The following PTPRD variants were observed in gnomAD, a reference collection of about 807,000 sequenced individuals.
The protein encoded by PTPRD is receptor-type tyrosine-protein phosphatase delta.
A neutral mutation model predicts 214.5 loss-of-function variants in PTPRD; 34 were observed. The ratio of observed to expected loss-of-function variants is 0.16; its 90% CI spans 0.12 to 0.21. The LOEUF is 0.21. PTPRD is among the 10% of genes least tolerant of loss of function. The pLI is 1.00. For synonymous variants in PTPRD, 1,128 were observed against 845.7 expected, an observed-to-expected ratio of 1.33 and a Z score of -5.79; for missense variants, 2,545 against 2,398.7, an observed-to-expected ratio of 1.06 and a Z score of -1.27.
At chr9:9,365,074 C>T (rs565119940) in intron 9 of PTPRD, among the ~76,000 whole-genome samples, 4 of 151,396 alleles carry the variant, frequency 2.6e-5, no homozygotes, top group African/African-American at 4.8e-5. Context: ...AACATGTCAC[C>T]GTCATACCCT....
chr9:9,002,594 C>T (rs1423615026), intron 11 of PTPRD, among the ~76,000 whole-genome samples: 1 of 152,038 alleles, frequency 6.6e-6, no homozygotes, highest in Non-Finnish European at 1.5e-5. Context: ...CAATAAGGCC[C>T]TTTATGATGT....
chr9:8,471,664 A>C (rs2096656107), intron 30 of PTPRD, among the ~76,000 whole-genome samples: 1 of 152,158 alleles, frequency 6.6e-6, no homozygotes, highest in Non-Finnish European at 1.5e-5. Flanking sequence ...ATCTCGAGGT[A>C]AGTACCGCAG....
chr9:10,292,601 T>C lies in PTPRD; in HGVS notation c.-545+48362A>G, dbSNP rs189987951. Among the ~76,000 whole-genome samples, 101 of 152,126 alleles carry C rather than the reference T, an allele frequency of 6.6e-4. 1 individual carries two copies. Among genetic ancestry groups the C allele is most frequent in the Non-Finnish European group, 1.5e-4 (10 of 67,946 alleles). On this transcript the variant is annotated intron_variant, in intron 3 of 45. Transcript: ENST00000381196. ...AACATAAGAGAGGAACCAACTGTTA[T>C]TTTTGGGCAATCTTAGGGTTGGTTG...
intron 8 of PTPRD, among the ~76,000 whole-genome samples, chr9:9,564,045 G>T (rs781048546): frequency 6.6e-6 from 1 of 152,044 alleles, no homozygotes; most frequent in African/African-American, 2.4e-5. Flanking sequence ...AAGTTTTCCA[G>T]CTCATTCTAA....
rs551156036 is a variant in PTPRD at position 8,606,314 on chromosome 9, T to C, written c.352+27003A>G. On this transcript the variant is annotated intron_variant, in intron 14 of 45. Transcript: ENST00000381196. ...TTAGAGAATGCTAATGTAATGCCAG[T>C]ATGCCTTGAGGAAGATCACAGTCTA... Among the ~76,000 whole-genome samples, 59 of 152,182 alleles carry C rather than the reference T, an allele frequency of 3.9e-4. 2 individuals carry two copies. The highest frequency in any genetic ancestry group is 2.9e-3 in the Admixed American group (45 of 15,266).
At chr9:9,078,040 A>T (rs1458492996) in intron 10 of PTPRD, among the ~76,000 whole-genome samples, 1 of 152,118 alleles carries the variant, frequency 6.6e-6, no homozygotes, top group Non-Finnish European at 1.5e-5. Context: ...AGATATTTTC[A>T]AGGGCCTTGA....
At position 8,833,032 on chromosome 9, in the gene PTPRD, C is replaced by T. The variant is rs1174811107; in HGVS notation, c.-103-99086G>A. Among the ~76,000 whole-genome samples the T allele has an allele frequency of 2.0e-5, 3 of 151,966 alleles. No individual in the cohort carries two copies. In the East Asian group the frequency reaches 5.8e-4, roughly 29 times the overall value. ...GCAGATGAAAAAAAAATCAGCAATA[C>T]AACTGACTTGATATCTTCTGTGTGC... On this transcript the variant is annotated intron_variant, in intron 11 of 45. Coordinates refer to ENST00000381196, the MANE Select transcript of PTPRD (RefSeq NM_002839.4).
chr9:10,330,621 A>G (rs1380244513), intron 3 of PTPRD, among the ~76,000 whole-genome samples: 2 of 151,530 alleles, frequency 1.3e-5, no homozygotes, highest in African/African-American at 4.8e-5. Flanking sequence ...CCATAAATTC[A>G]TTCCCTAAAT....
At chr9:10,078,098 A>C (rs1367621865) in intron 3 of PTPRD, among the ~76,000 whole-genome samples, 3 of 143,198 alleles carry the variant, frequency 2.1e-5, no homozygotes, top group African/African-American at 7.5e-5. Flanking sequence ...AATATTAGAA[A>C]ATAACTTAGT....
At chr9:8,618,116 T>C (rs1258192136) in intron 14 of PTPRD, among the ~76,000 whole-genome samples, 2 of 152,250 alleles carry the variant, frequency 1.3e-5, no homozygotes, top group Middle Eastern at 3.4e-3. Context: ...CAGATGCTTT[T>C]GCCTAAAATA....
At chr9:8,911,141 A>G (rs2098744267) in intron 11 of PTPRD, among the ~76,000 whole-genome samples, 1 of 152,202 alleles carries the variant, frequency 6.6e-6, no homozygotes, top group African/African-American at 2.4e-5. Flanking sequence ...AATTCAAAGG[A>G]TCTAAAATAG....
intron 5 of PTPRD, among the ~76,000 whole-genome samples, chr9:9,781,952 C>T (rs1251526870): frequency 6.6e-6 from 1 of 152,062 alleles, no homozygotes; most frequent in Admixed American, 6.5e-5. Flanking sequence ...ACTACCACGC[C>T]CGGCTAATTT....
intron 14 of PTPRD, among the ~76,000 whole-genome samples, chr9:8,602,351 G>A (rs538100602): frequency 1.8e-4 from 27 of 152,258 alleles, no homozygotes; most frequent in African/African-American, 6.0e-4. Flanking sequence ...TACCTTGTCT[G>A]TATAAGCCTT....
chr9:9,746,669 T>A (rs925305362), intron 6 of PTPRD, among the ~76,000 whole-genome samples: 1 of 152,086 alleles, frequency 6.6e-6, no homozygotes, highest in Non-Finnish European at 1.5e-5. Context: ...AAATAAGGCA[T>A]AGAAAAGATG....
At chr9:9,267,914 T>G (rs956959544) in intron 9 of PTPRD, among the ~76,000 whole-genome samples, 20 of 151,174 alleles carry the variant, frequency 1.3e-4, no homozygotes, top group African/African-American at 4.6e-4. Context: ...AGCCCATAGC[T>G]AACGTCATTT....
At chr9:10,111,872 G>A (rs1026680826) in intron 3 of PTPRD, among the ~76,000 whole-genome samples, 3 of 152,264 alleles carry the variant, frequency 2.0e-5, no homozygotes, top group African/African-American at 7.2e-5. Flanking sequence ...CGAGAATTTG[G>A]AAAGATTGCA....
In PTPRD at chr9:10,612,955, A is replaced by ACTCGCTCG. The variant is rs887007962; in HGVS notation, c.-983_-976dup. Among the ~76,000 whole-genome samples the ACTCGCTCG allele has an allele frequency of 2.0e-5, 3 of 150,560 alleles. No individual in the cohort carries two copies. Among genetic ancestry groups the ACTCGCTCG allele is most frequent in the Admixed American group, 6.6e-5 (1 of 15,140 alleles). ...GGGGAGCCGAGGCGGCCGCTCCCGC[A>ACTCGCTCG]CTCGCTCGCTCGCTCGCTGGCGCTC... On this transcript the variant is annotated 5_prime_UTR_variant, in exon 1 of 46. Coordinates refer to ENST00000381196, the MANE Select transcript of PTPRD (RefSeq NM_002839.4).
chr9:9,446,475 T>C (rs2090444503), intron 8 of PTPRD, among the ~76,000 whole-genome samples: 1 of 152,152 alleles, frequency 6.6e-6, no homozygotes, highest in African/African-American at 2.4e-5. Flanking sequence ...TTTCGTGAGG[T>C]TTTAACATTA....
At chr9:9,789,934 G>A (rs1350979099) in intron 5 of PTPRD, among the ~76,000 whole-genome samples, 1 of 151,738 alleles carries the variant, frequency 6.6e-6, no homozygotes, top group African/African-American at 2.4e-5. Context: ...ATTATATTCA[G>A]GTCTTCAAAA....
Sources: allele counts gnomAD v4.1 joint callset (sites outside exome capture counted in the v4.1 genomes callset), GRCh38; gene constraint gnomAD v4.1.1; transcripts MANE v1.5; gene names NCBI Gene and HGNC (gene_info 2026-07-23, HGNC 2026-07-21).